SLC35F2: variants seen among roughly 807,000 people sequenced by gnomAD.
SLC35F2 encodes queuine/queuosine transporter SLC35F2.
A neutral mutation model predicts 38.1 loss-of-function variants in SLC35F2; 25 were observed. That is an observed-to-expected ratio of 0.66 (90% CI 0.48 to 0.92). The LOEUF (loss-of-function observed/expected upper bound fraction) is 0.92. Among genes scored for constraint, SLC35F2 ranks in the 40% least tolerant of loss-of-function variants. The pLI, the probability that SLC35F2 is intolerant of heterozygous loss-of-function variation, is 0.00. For missense variants in SLC35F2, 409 were observed against 452.9 expected, an observed-to-expected ratio of 0.90 and a Z score of 0.88; for synonymous variants, 173 against 181.7, an observed-to-expected ratio of 0.95 and a Z score of 0.38.
chr11:107,803,741 C>G (rs1859352082), intron 6 of SLC35F2, among the ~76,000 whole-genome samples: 1 of 149,250 alleles, frequency 6.7e-6, no homozygotes, highest in African/African-American at 2.5e-5. Flanking sequence ...AGTATCTCTG[C>G]TTTGCAACTA....
At chr11:107,809,460 CAAAA>C (rs775009107) in intron 3 of SLC35F2, among the ~76,000 whole-genome samples, 13 of 106,174 alleles carry the variant, frequency 1.2e-4, no homozygotes, top group East Asian at 5.6e-4. Flanking sequence ...GACTCCACCT[CAAAA>C]AAAAAAAAAA....
At chr11:107,851,612 A>T (rs1163714357) in intron 1 of SLC35F2, among the ~76,000 whole-genome samples, 2 of 151,902 alleles carry the variant, frequency 1.3e-5, no homozygotes, top group Non-Finnish European at 2.9e-5. Flanking sequence ...CCTTTATACA[A>T]TGCCTATTGG....
intron 2 of SLC35F2, among the ~76,000 whole-genome samples, chr11:107,812,749 C>T (rs951667363): frequency 2.0e-5 from 3 of 152,094 alleles, no homozygotes; most frequent in African/African-American, 7.2e-5. Flanking sequence ...TGGATATGAG[C>T]TTGTATGTCG....
Position 107,792,304 on chromosome 11 carries a change from T to C in SLC35F2, c.*311A>G. ...CCCTGGCCTGAGGCTGGCTCAGTCC[T>C]GGATCTCTCCCCAGTCCTGCTTTCC... On this transcript the variant is annotated 3_prime_UTR_variant, in exon 8 of 8. Transcript: ENST00000525815. 8.8e-6 allele frequency: 2 copies of C among 227,114 alleles called. No individual in the cohort carries two copies. Among genetic ancestry groups the C allele is most frequent in the Non-Finnish European group, 1.7e-5 (2 of 118,092 alleles). 14.1% of individuals were successfully genotyped at this position (227,114 alleles called of 1,614,324 possible).
rs549897505 is a variant in SLC35F2 at position 107,826,869 on chromosome 11, T to G, written c.111-10904A>C. On this transcript the variant is annotated intron_variant, in intron 1 of 7. Transcript: ENST00000525815. ...AGAACTGTACAATAGCTTAAACTGTTTTGATATGGTGTTGATATTATTCTG... is the reference window on the plus strand; with the variant it reads ...AGAACTGTACAATAGCTTAAACTGTGTTGATATGGTGTTGATATTATTCTG... Among the ~76,000 whole-genome samples, 3 of 152,258 alleles carry G rather than the reference T, an allele frequency of 2.0e-5. No individual in the cohort carries two copies. The East Asian group carries it at 5.8e-4, about 29-fold the overall frequency.
intron 7 of SLC35F2, among the ~76,000 whole-genome samples, chr11:107,797,785 T>C (rs1400618029): frequency 3.9e-5 from 6 of 152,064 alleles, no homozygotes; most frequent in Admixed American, 2.6e-4. Flanking sequence ...TAAATGATAA[T>C]GCAAAACCAA....
intron 1 of SLC35F2, among the ~76,000 whole-genome samples, chr11:107,833,105 A>G (rs918825464): frequency 9.9e-5 from 15 of 152,236 alleles, no homozygotes; most frequent in Admixed American, 2.0e-4. Flanking sequence ...CGCCATCAGA[A>G]TACCTTGTCT....
chr11:107,797,503 C>T (rs1859238281), intron 7 of SLC35F2, among the ~76,000 whole-genome samples: 1 of 151,766 alleles, frequency 6.6e-6, no homozygotes, highest in Admixed American at 6.6e-5. Flanking sequence ...ACCTGGGCAA[C>T]ATAGTGAGAC....
rs1308251241 is a variant in SLC35F2, at chr11:107,791,142, TGAA to T, written c.*1470_*1472del. The T allele has an allele frequency of 6.6e-6, 1 of 152,502 alleles. No individual in the cohort carries two copies. The highest frequency in any genetic ancestry group is 1.5e-5 in the Non-Finnish European group (1 of 68,044). The allele number at this position is 152,502 out of a possible 1,614,324, so 9.4% of individuals were successfully genotyped here. ...GATGACACATATTAACACTTTGTAT[TGAA>T]GAAGTATCATAAAAATCACAGGGCA... On this transcript the variant is annotated 3_prime_UTR_variant, in exon 8 of 8. Transcript: ENST00000525815.
chr11:107,797,757 G>A (rs1342710472), intron 7 of SLC35F2, among the ~76,000 whole-genome samples: 1 of 152,066 alleles, frequency 6.6e-6, no homozygotes, highest in African/African-American at 2.4e-5. Flanking sequence ...CCCCAAGACA[G>A]GAAAATGCTT....
intron 1 of SLC35F2, among the ~76,000 whole-genome samples, chr11:107,835,916 G>A (rs1471896778): frequency 1.3e-5 from 2 of 152,074 alleles, no homozygotes; most frequent in Non-Finnish European, 2.9e-5. Flanking sequence ...ACCAAATCTG[G>A]GATTCATGGA....
chr11:107,798,503 T>C (rs1166717490), intron 7 of SLC35F2, among the ~76,000 whole-genome samples: 1 of 152,214 alleles, frequency 6.6e-6, no homozygotes, highest in Non-Finnish European at 1.5e-5. Context: ...GAGAGACTAA[T>C]AAAGAGATTA....
Position 107,792,320 on chromosome 11 carries a change from C to A in SLC35F2, c.*295G>T. On this transcript the variant is annotated 3_prime_UTR_variant, in exon 8 of 8. Coordinates refer to ENST00000525815, the MANE Select transcript of SLC35F2 (RefSeq NM_017515.5). ...GCTCAGTCCTGGATCTCTCCCCAGT[C>A]CTGCTTTCCCACTGGTGCCTCTAAG... 1 of 260,604 alleles carries A rather than the reference C, an allele frequency of 3.8e-6. No individual in the cohort carries two copies. Among genetic ancestry groups the A allele is most frequent in the Non-Finnish European group, 7.2e-6 (1 of 139,030 alleles). The allele number at this position is 260,604 out of a possible 1,614,324, so 16.1% of individuals were successfully genotyped here.
rs186181920 is a variant in SLC35F2, at chr11:107,851,074, C to A, written c.110+7584G>T. Among the ~76,000 whole-genome samples the A allele has an allele frequency of 4.3e-3, 646 of 151,790 alleles. 1 individual carries two copies. The highest frequency in any genetic ancestry group is 0.015 in the African/African-American group (630 of 41,374). On this transcript the variant is annotated intron_variant, in intron 1 of 7. Transcript: ENST00000525815. ...GGTCAGGAGTTCGAGACCAGCCTGG[C>A]CAATATGGTGAAACCCCATCTCTAC...
chr11:107,858,743 G>A lies in SLC35F2; in HGVS notation c.25C>T (p.Pro9Ser). 4.7e-6 allele frequency: 6 copies of A among 1,278,046 alleles called. No individual in the cohort carries two copies. The highest frequency in any genetic ancestry group is 6.0e-6 in the Non-Finnish European group (6 of 1,004,334). 79.2% of individuals were successfully genotyped at this position (1,278,046 alleles called of 1,614,324 possible). The change falls in exon 1 of 8, where the codon CCC (proline) becomes TCC (serine). Residue 9 changes from proline to serine, a missense_variant. By Grantham distance (74) the Pro-to-Ser change is moderately conservative. Transcript: ENST00000525815. ...TCCGCGAGGGGCTCTGGGGCGCCGG[G>A]GCCCGCTGGCGAGTCTGCCTCCATC... MEADSPAG[P>S]GAPEPLAEGA... is the part of the protein sequence containing the mutation.
chr11:107,796,830 G>A (rs1238271767), intron 7 of SLC35F2, among the ~76,000 whole-genome samples: 1 of 151,986 alleles, frequency 6.6e-6, no homozygotes, highest in African/African-American at 2.4e-5. Flanking sequence ...CAACATACCC[G>A]TATAATTTTT....
chr11:107,818,072 A>AAAGAAAG (rs1555084050), intron 1 of SLC35F2, among the ~76,000 whole-genome samples: 489 of 68,362 alleles, frequency 7.2e-3, no homozygotes, highest in South Asian at 0.02. Flanking sequence ...AAAAAAAAAA[A>AAAGAAAG]AAAGAAAGAA....
rs1847564 is a variant in SLC35F2 at position 107,826,381 on chromosome 11, A to C, written c.111-10416T>G. ...AACCTCCGCTTCCCAAGTAGCTGGG[A>C]TTACAGGCATGTGCCACCACGTCCA... is the stretch of plus-strand genomic sequence containing the variant. On this transcript the variant is annotated intron_variant, in intron 1 of 7. Coordinates refer to ENST00000525815, the MANE Select transcript of SLC35F2 (RefSeq NM_017515.5). Among the ~76,000 whole-genome samples the C allele has an allele frequency of 7.6e-3, 1,144 of 151,506 alleles. 5 individuals carry two copies. Among genetic ancestry groups the C allele is most frequent in the Non-Finnish European group, 0.013 (857 of 67,960 alleles).
At chr11:107,856,389 T>C (rs1251528042) in intron 1 of SLC35F2, among the ~76,000 whole-genome samples, 1 of 152,154 alleles carries the variant, frequency 6.6e-6, no homozygotes, top group East Asian at 1.9e-4. Flanking sequence ...ATCTCCATTT[T>C]ACAAATAAGA....
Sources: gnomAD v4.1 joint callset for allele counts (sites outside exome capture counted in the v4.1 genomes callset) on GRCh38, gnomAD v4.1.1 for gene constraint, MANE v1.5 for transcripts, NCBI Gene and HGNC (gene_info 2026-07-23, HGNC 2026-07-21) for gene names.